Variants in NRG2 observed in about 807,000 individuals in gnomAD.
The protein encoded by NRG2 is pro-neuregulin-2, membrane-bound isoform.
In NRG2, 27 loss-of-function variants were observed where a neutral mutation model predicts 73.9. That is an observed-to-expected ratio of 0.37 (90% CI 0.27 to 0.50). The LOEUF is 0.50. Ranked by LOEUF, NRG2 falls within the 20% of genes least tolerant of loss-of-function variation. NRG2 has a pLI of 0.96. For synonymous variants in NRG2, 532 were observed against 541.0 expected, an observed-to-expected ratio of 0.98 and a Z score of 0.23; for missense variants, 1,126 against 1,210.1, an observed-to-expected ratio of 0.93 and a Z score of 1.03.
intron 1 of NRG2, among the ~76,000 whole-genome samples, chr5:139,999,843 C>G (rs1758299005): frequency 6.6e-6 from 1 of 152,208 alleles, no homozygotes; most frequent in Admixed American, 6.5e-5. Context: ...GTGCCCCAAT[C>G]TATACCCACC....
intron 1 of NRG2, among the ~76,000 whole-genome samples, chr5:139,923,057 G>A (rs1440856835): frequency 1.3e-5 from 2 of 152,144 alleles, no homozygotes; most frequent in Non-Finnish European, 2.9e-5. Flanking sequence ...CAAACCCATA[G>A]AATGTACAAC....
At chr5:139,953,802 A>G (rs1754414116) in intron 1 of NRG2, among the ~76,000 whole-genome samples, 1 of 152,214 alleles carries the variant, frequency 6.6e-6, no homozygotes, top group African/African-American at 2.4e-5. Context: ...GCAAAAAACC[A>G]CATGAGAACC....
chr5:139,975,155 T>A (rs140983365), intron 1 of NRG2, among the ~76,000 whole-genome samples: 19 of 152,306 alleles, frequency 1.2e-4, no homozygotes, highest in Middle Eastern at 6.8e-3. Flanking sequence ...TTCTTACATA[T>A]CTTGGAATCA....
chr5:140,001,323 G>T (rs922660051), intron 1 of NRG2, among the ~76,000 whole-genome samples: 2 of 152,110 alleles, frequency 1.3e-5, no homozygotes, highest in Non-Finnish European at 2.9e-5. Flanking sequence ...CATACCTACA[G>T]CTTATGGTAG....
chr5:139,874,280 C>T (rs773107020), intron 3 of NRG2, among the ~76,000 whole-genome samples: 6 of 152,206 alleles, frequency 3.9e-5, no homozygotes, highest in African/African-American at 1.4e-4. Flanking sequence ...GTGAAGGTGA[C>T]GTGGACTCTC....
rs1561622872 is a variant in NRG2, at chr5:139,851,929, G to A, written c.1545-98C>T. ...ACCTCCCTGGCTCTTCTTCCACCTC[G>A]AGCTCCCTTAGCTCAATGCCCTTCT... On this transcript the variant is annotated intron_variant, in intron 8 of 9. Transcript: ENST00000361474. This position sits in a 1 kb window ranked among gnomAD's most constrained non-coding sequence, Gnocchi z 4.2. 9.8e-7 allele frequency: 1 copy of A among 1,016,982 alleles called. No homozygotes were observed. The allele number at this position is 1,016,982 out of a possible 1,614,324, so 63.0% of individuals were successfully genotyped here. A position where few individuals can be genotyped will look rare whatever the true frequency, so the allele number is the denominator to read the frequency against.
chr5:140,024,816 C>T (rs1008222911), intron 1 of NRG2, among the ~76,000 whole-genome samples: 11 of 152,158 alleles, frequency 7.2e-5, no homozygotes, highest in African/African-American at 2.7e-4. Flanking sequence ...AGGAATTCAA[C>T]ATTTGAGACA....
chr5:139,901,998 G>A (rs1205365372), intron 1 of NRG2, among the ~76,000 whole-genome samples: 1 of 152,244 alleles, frequency 6.6e-6, no homozygotes, highest in African/African-American at 2.4e-5. Context: ...TCATATAGAA[G>A]GTGAGGGCTG....
chr5:139,949,517 C>T (rs1171181566), intron 1 of NRG2, among the ~76,000 whole-genome samples: 1 of 152,088 alleles, frequency 6.6e-6, no homozygotes, highest in African/African-American at 2.4e-5. Context: ...CACTAGAACA[C>T]CCACTACCTG....
intron 5 of NRG2, among the ~76,000 whole-genome samples, chr5:139,857,974 C>T (rs778702228): frequency 6.4e-4 from 97 of 152,270 alleles, no homozygotes; most frequent in Admixed American, 1.0e-3. Context: ...CACCTTCTGA[C>T]GGGTCTTTCT....
intron 1 of NRG2, among the ~76,000 whole-genome samples, chr5:140,027,586 T>C (rs1020796368): frequency 3.9e-5 from 6 of 152,228 alleles, no homozygotes; most frequent in African/African-American, 1.4e-4. Flanking sequence ...CACATAACTT[T>C]TATTACAGTA....
rs923996050 is a variant in NRG2, at chr5:139,954,680, G to A, written c.701-67169C>T. Among the ~76,000 whole-genome samples, 2 of 152,172 alleles carry A rather than the reference G, an allele frequency of 1.3e-5. No homozygotes were observed. Among genetic ancestry groups the A allele is most frequent in the African/African-American group, 4.8e-5 (2 of 41,446 alleles). On this transcript the variant is annotated intron_variant, in intron 1 of 9. Transcript: ENST00000361474. This position sits in a 1 kb window ranked among gnomAD's most constrained non-coding sequence, Gnocchi z 5.0. ...CCGCAGAGGCCCCTGCGCGTATCCCGCCAAGTTCCTCTCTCTTTGCTCATG... is the reference window on the plus strand; with the variant it reads ...CCGCAGAGGCCCCTGCGCGTATCCCACCAAGTTCCTCTCTCTTTGCTCATG...
Position 139,848,580 on chromosome 5 carries a change from C to G in NRG2, c.1890G>C (p.Ser630=), listed in dbSNP as rs781662088. 6.4e-7 allele frequency: 1 copy of G among 1,557,200 alleles called. No individual in the cohort carries two copies. The highest frequency in any genetic ancestry group is 2.5e-5 in the East Asian group (1 of 39,484). The change falls in exon 10 of 10, where the codon TCG becomes TCC. Residue 630 remains serine, a synonymous_variant. Transcript: ENST00000361474. ...AACTGATGGGCGCCGCCGGCGGCAG[C>G]GACACGGCGTGCGCCGAGTTGGGGG... ...ITSPNSAHAV[S]LPPAAPISYR...
intron 1 of NRG2, among the ~76,000 whole-genome samples, chr5:139,967,918 C>T (rs1318613368): frequency 6.6e-6 from 1 of 151,764 alleles, no homozygotes; most frequent in Non-Finnish European, 1.5e-5. Flanking sequence ...GAGATCGCAC[C>T]ACTGCACTCC....
chr5:140,010,550 T>C (rs972937595), intron 1 of NRG2, among the ~76,000 whole-genome samples: 2 of 152,138 alleles, frequency 1.3e-5, no homozygotes, highest in African/African-American at 2.4e-5. Context: ...GTATATGGGA[T>C]ATCTCTGTGC....
At chr5:139,916,738 T>C (rs1580728016) in intron 1 of NRG2, among the ~76,000 whole-genome samples, 1 of 152,362 alleles carries the variant, frequency 6.6e-6, no homozygotes, top group Middle Eastern at 3.4e-3. Flanking sequence ...CATACCTTTT[T>C]TGTGGCCGAA....
intron 1 of NRG2, among the ~76,000 whole-genome samples, chr5:139,946,094 T>C (rs1019254482): frequency 6.6e-6 from 1 of 152,076 alleles, no homozygotes; most frequent in African/African-American, 2.4e-5. Context: ...GCTTGCTTTT[T>C]TTGCAAAAAT....
chr5:140,042,580 G>T lies in NRG2; in HGVS notation c.490C>A (p.Leu164Met). The T allele has an allele frequency of 6.2e-7, 1 of 1,612,568 alleles. No individual in the cohort carries two copies. Among genetic ancestry groups the T allele is most frequent in the Non-Finnish European group, 8.5e-7 (1 of 1,179,654 alleles). ...CCGCTCCGGAGCGGCCACTTGTCCA[G>T]CACCTTTACCAACGCCACCCGACCC... ...ASGRVALVKV[L>M]DKWPLRSGGL... The change falls in exon 1 of 10, where the codon CTG becomes ATG. Residue 164 changes from leucine to methionine, a missense_variant. Physicochemically the swap from Leu to Met is conservative, Grantham distance 15. Around this residue, in one of 3 missense-constraint regions of NRG2, gnomAD observed 539 missense variants for 703.2 expected, o/e 0.77. Coordinates refer to ENST00000361474, the MANE Select transcript of NRG2 (RefSeq NM_004883.3).
chr5:140,019,484 T>C (rs1019106503), intron 1 of NRG2: 1 of 152,382 alleles, frequency 6.6e-6, no homozygotes, highest in South Asian at 2.1e-4. Context: ...CTAGAAAGCA[T>C]GGGTTCAGGC....
Sources: gnomAD v4.1 joint callset for allele counts (sites outside exome capture counted in the v4.1 genomes callset) on GRCh38, gnomAD v4.1.1 for gene constraint, gnomAD v4.1.1 regional missense constraint, Gnocchi (gnomAD v3.1) non-coding constraint, MANE v1.5 for transcripts, NCBI Gene and HGNC (gene_info 2026-07-23, HGNC 2026-07-21) for gene names.